The following PPIG variants were observed in gnomAD, a reference collection of about 807,000 sequenced individuals.
The protein encoded by PPIG is peptidyl-prolyl cis-trans isomerase G.
Under a neutral mutation model 87.9 loss-of-function variants are expected in PPIG, and 26 were observed. The observed-to-expected ratio is 0.30, with a 90% CI of 0.22 to 0.41. PPIG has a LOEUF of 0.41. Among genes scored for constraint, PPIG ranks in the 10% least tolerant of loss-of-function variants. PPIG has a pLI of 1.00. For synonymous variants in PPIG, 308 were observed against 276.5 expected (o/e 1.11, Z -1.13); for missense variants, 722 against 879.4 (o/e 0.82, Z 2.26).
intron 4 of PPIG, among the ~76,000 whole-genome samples, chr2:169,605,628 T>A (rs1022959514): frequency 3.0e-5 from 4 of 135,320 alleles, no homozygotes; most frequent in African/African-American, 1.1e-4. Flanking sequence ...ATGGTGAAAT[T>A]CAGTCTCTAC....
intron 1 of PPIG, among the ~76,000 whole-genome samples, chr2:169,585,247 T>C (rs1319687736): frequency 1.3e-5 from 2 of 148,978 alleles, no homozygotes; most frequent in African/African-American, 2.5e-5. Context: ...AGGGGAAGTA[T>C]GCTAATTTGG....
chr2:169,633,117 G>GT, intron 11 of PPIG, 43 bp from the exon 12 acceptor site: 1 of 1,462,732 alleles, frequency 6.8e-7, no homozygotes, highest in Non-Finnish European at 9.6e-7. Flanking sequence ...GCCAACAAAA[G>GT]TTTTTAAAAA....
rs766143869 is a variant in PPIG, at chr2:169,636,093, G to A, written c.1019G>A (p.Arg340His). The A allele has an allele frequency of 5.6e-6, 9 of 1,592,986 alleles. No individual in the cohort carries two copies. Among genetic ancestry groups the A allele is most frequent in the South Asian group, 2.3e-5 (2 of 88,030 alleles). The change falls in exon 13 of 14, where the codon CGT becomes CAT. Residue 340 changes from arginine (R) to histidine (H), a missense_variant and splice_region_variant. This residue lies in a region of PPIG where 476 missense variants were observed against 483.1 expected (regional missense o/e 0.99). Transcript: ENST00000260970. ...GRKIKGRGPRRYRTPSRSRSR... is the reference protein window; with the variant it reads ...GRKIKGRGPRHYRTPSRSRSR... Reference sequence around the variant, plus strand: ...TTTCCCTATTTTAATTTTCTTTAGCGTTATCGAACTCCTTCCAGATCCAGA... The same window carrying A: ...TTTCCCTATTTTAATTTTCTTTAGCATTATCGAACTCCTTCCAGATCCAGA...
chr2:169,606,022 T>A lies in PPIG; in HGVS notation c.137-17T>A, dbSNP rs758254982. 8.4e-6 allele frequency: 13 copies of A among 1,555,420 alleles called. No homozygotes were observed. Among genetic ancestry groups the A allele is most frequent in the Non-Finnish European group, 1.1e-5 (12 of 1,131,910 alleles). On this transcript the variant is annotated splice_polypyrimidine_tract_variant and intron_variant, in intron 4 of 13. Coordinates refer to ENST00000260970, the MANE Select transcript of PPIG (RefSeq NM_004792.3). ...GATTTCCTTTCTATTAAATGTCCTA[T>A]TTTTTTATCTCTATAGGTGAAAAGG...
At chr2:169,601,926 A>T (rs1018445986) in intron 1 of PPIG, among the ~76,000 whole-genome samples, 1 of 152,200 alleles carries the variant, frequency 6.6e-6, no homozygotes, top group Non-Finnish European at 1.5e-5. Flanking sequence ...AAACTCAGTA[A>T]CATTTTTGTT....
intron 1 of PPIG, among the ~76,000 whole-genome samples, chr2:169,587,096 G>A (rs1307173211): frequency 6.6e-6 from 1 of 151,944 alleles, no homozygotes; most frequent in East Asian, 1.9e-4. Context: ...ACCACACCGG[G>A]TAATTTTTAT....
chr2:169,606,033 CTA>C lies in PPIG; in HGVS notation c.137-3_137-2del, dbSNP rs754653617. The C allele has an allele frequency of 3.8e-6, 6 of 1,586,088 alleles. No individual in the cohort carries two copies. The East Asian group carries it at 1.1e-4, about 30-fold the overall frequency. Reference sequence around the variant, plus strand: ...TATTAAATGTCCTATTTTTTTATCTCTATAGGTGAAAAGGGGACCGGGAAATC... The same window carrying C: ...TATTAAATGTCCTATTTTTTTATCTCTAGGTGAAAAGGGGACCGGGAAATC... On this transcript the variant is annotated splice_region_variant and splice_polypyrimidine_tract_variant and intron_variant, in intron 4 of 13. Transcript: ENST00000260970.
rs776815236 is a variant in PPIG, at chr2:169,604,045, G to A, written c.4G>A (p.Gly2Arg). 8.7e-6 allele frequency: 14 copies of A among 1,613,182 alleles called. No homozygotes were observed. The East Asian group carries it at 2.9e-4, about 33-fold the overall frequency. The part of the protein sequence containing the change: M[G>R]IKVQRPRCFF... ...TCACAGATTAAGTATTGGAGCCATG[G>A]GAATAAAGGTTCAACGTCCTCGATG... The change falls in exon 3 of 14, where the codon GGA becomes AGA. Residue 2 changes from glycine to arginine, a missense_variant. Physicochemically the swap from Gly to Arg is moderately radical, Grantham distance 125. This residue lies in a region of PPIG where 99 missense variants were observed against 215.8 expected (regional missense o/e 0.46). Transcript: ENST00000260970.
chr2:169,612,136 T>A, intron 7 of PPIG, among the ~76,000 whole-genome samples: 1 of 152,118 alleles, frequency 6.6e-6, no homozygotes. Context: ...CCACTGGGCC[T>A]AGTGAGTCAT....
chr2:169,587,607 G>A (rs1362344952), intron 1 of PPIG, among the ~76,000 whole-genome samples: 1 of 152,060 alleles, frequency 6.6e-6, no homozygotes, highest in African/African-American at 2.4e-5. Context: ...GATTTTCCCT[G>A]GTTTAATGCA....
intron 7 of PPIG, among the ~76,000 whole-genome samples, chr2:169,609,025 A>C (rs1473703923): frequency 6.7e-6 from 1 of 149,878 alleles, no homozygotes. Flanking sequence ...GGGAGCTTAC[A>C]GTGAGCTGAG....
intron 1 of PPIG, among the ~76,000 whole-genome samples, chr2:169,590,935 C>T (rs376357101): frequency 3.3e-5 from 5 of 152,248 alleles, no homozygotes; most frequent in African/African-American, 9.6e-5. Context: ...TGAGCCACTG[C>T]GTTCCAGGCT....
chr2:169,631,542 T>A, intron 10 of PPIG: 1 of 1,285,002 alleles, frequency 7.8e-7, no homozygotes, highest in Non-Finnish European at 9.9e-7. Context: ...TAGGAAAATA[T>A]TTTTTGAGAG....
intron 1 of PPIG, among the ~76,000 whole-genome samples, chr2:169,602,803 C>G (rs1363505288): frequency 6.6e-6 from 1 of 152,118 alleles, no homozygotes; most frequent in East Asian, 1.9e-4. Flanking sequence ...AATCATTCCA[C>G]TCTGGCTATT....
At chr2:169,606,358 C>G (rs991812954) in intron 5 of PPIG, among the ~76,000 whole-genome samples, 1 of 151,800 alleles carries the variant, frequency 6.6e-6, no homozygotes, top group East Asian at 1.9e-4. Flanking sequence ...CTTTGGGAGG[C>G]CGAGGTGGGC....
intron 4 of PPIG, 66 bp downstream of exon 4, chr2:169,604,327 G>GTTTTTTTTTTTTTTTTTTTTTTTTTTT (rs71006008): frequency 3.4e-6 from 1 of 296,436 alleles, no homozygotes; most frequent in Non-Finnish European, 5.5e-6. Context: ...TGCTTGCTTG[G>GTTTTTTTTTTTTTTTTTTTTTTTTTTT]TTTTTTTTTT....
intron 1 of PPIG, among the ~76,000 whole-genome samples, chr2:169,588,866 G>A (rs1426837488): frequency 1.4e-5 from 2 of 147,922 alleles, no homozygotes; most frequent in Non-Finnish European, 3.0e-5. Context: ...GGCTGAGGCA[G>A]GAGAATCGCT....
At chr2:169,633,446 T>G in intron 12 of PPIG, 199 bp downstream of exon 12, 498 of 556,662 alleles carry the variant, frequency 8.9e-4, no homozygotes, top group Non-Finnish European at 6.0e-4. Context: ...GAGATATGAA[T>G]AGATTTTACA....
intron 6 of PPIG, among the ~76,000 whole-genome samples, chr2:169,607,896 G>C (rs144366146): frequency 1.2e-4 from 19 of 152,096 alleles, no homozygotes; most frequent in Non-Finnish European, 2.6e-4. Context: ...TCACTGTGTT[G>C]CCCGGGCTGG....
Sources: gnomAD v4.1 joint callset for allele counts (sites outside exome capture counted in the v4.1 genomes callset) on GRCh38, gnomAD v4.1.1 for gene constraint, gnomAD v4.1.1 regional missense constraint, MANE v1.5 for transcripts, NCBI Gene and HGNC (gene_info 2026-07-23, HGNC 2026-07-21) for gene names.